PDE1C: variants seen among roughly 807,000 people sequenced by gnomAD.
PDE1C encodes dual specificity calcium/calmodulin-dependent 3',5'-cyclic nucleotide phosphodiesterase 1C.
PDE1C carries 62 observed loss-of-function variants against 93.1 expected under a neutral mutation model. The ratio of observed to expected loss-of-function variants is 0.67; its 90% confidence interval spans 0.54 to 0.82. The LOEUF (loss-of-function observed/expected upper bound fraction) is 0.82, where lower values mean the gene tolerates loss of function less well. Among genes scored for constraint, PDE1C ranks in the 40% least tolerant of loss-of-function variants. The pLI is 0.00. For missense variants in PDE1C, 742 were observed against 884.6 expected (o/e 0.84, Z 2.04); for synonymous variants, 325 against 310.1 (o/e 1.05, Z -0.50).
chr7:31,956,761 A>C (rs1235985317), intron 2 of PDE1C, among the ~76,000 whole-genome samples: 1 of 152,142 alleles, frequency 6.6e-6, no homozygotes, highest in African/African-American at 2.4e-5. Context: ...ACAAACTAAA[A>C]TTCCTAACTT....
At chr7:32,382,044 C>T (rs1209619772) in intron 1 of PDE1C, among the ~76,000 whole-genome samples, 1 of 152,156 alleles carries the variant, frequency 6.6e-6, no homozygotes, top group Non-Finnish European at 1.5e-5. Flanking sequence ...TTATCATTTC[C>T]ATTTCACAGA....
At chr7:32,170,090 C>T in intron 2 of PDE1C, 1 of 772,440 alleles carries the variant, frequency 1.3e-6, no homozygotes, top group East Asian at 2.5e-5. Context: ...GCCAACATTA[C>T]AGAGTTGTAA....
the PDE1C span, among the ~76,000 whole-genome samples, chr7:31,658,040 A>G: frequency 1.3e-5 from 2 of 152,204 alleles, no homozygotes; most frequent in African/African-American, 4.8e-5. Flanking sequence ...TTGAGAAACA[A>G]TACTTGGAAA....
At chr7:31,827,847 G>A (rs1562875450) in intron 12 of PDE1C, among the ~76,000 whole-genome samples, 1 of 152,130 alleles carries the variant, frequency 6.6e-6, no homozygotes, top group African/African-American at 2.4e-5. Context: ...AGGAAACAAG[G>A]AAGAAAACAT....
At chr7:32,218,739 A>T (rs1806616669) in intron 1 of PDE1C, among the ~76,000 whole-genome samples, 2 of 152,238 alleles carry the variant, frequency 1.3e-5, no homozygotes, top group Non-Finnish European at 2.9e-5. Context: ...ACAAAGTGAG[A>T]TGTTAATGAA....
chr7:32,307,092 T>C (rs1169867096), intron 1 of PDE1C, among the ~76,000 whole-genome samples: 3 of 152,192 alleles, frequency 2.0e-5, no homozygotes, highest in Non-Finnish European at 2.9e-5. Context: ...CAGCACTTAG[T>C]CATTTATTGT....
At chr7:32,051,334 G>C (rs1022094394) in intron 2 of PDE1C, among the ~76,000 whole-genome samples, 1 of 152,242 alleles carries the variant, frequency 6.6e-6, no homozygotes, top group East Asian at 1.9e-4. Context: ...GAGCCCACAG[G>C]ATCTACTCTC....
intron 2 of PDE1C, among the ~76,000 whole-genome samples, chr7:31,930,876 A>AAAAAAAAAAAT (rs1804129299): frequency 7.0e-6 from 1 of 142,474 alleles, no homozygotes; most frequent in Non-Finnish European, 1.5e-5. Context: ...AAAAAAAAAA[A>AAAAAAAAAAAT]GCTTATCCAC....
chr7:32,126,242 TA>T (rs1377929773), intron 3 of PDE1C, among the ~76,000 whole-genome samples: 34 of 149,816 alleles, frequency 2.3e-4, no homozygotes, highest in African/African-American at 7.9e-4. Flanking sequence ...GATAGATAGA[TA>T]GATTCATTTA....
chr7:32,381,025 T>A (rs1233503097), intron 1 of PDE1C, among the ~76,000 whole-genome samples: 1 of 151,784 alleles, frequency 6.6e-6, no homozygotes, highest in Non-Finnish European at 1.5e-5. Context: ...AGGCTGTTTC[T>A]CCCCCTCAGT....
At chr7:31,621,470 G>T in the PDE1C span, among the ~76,000 whole-genome samples, 4,390 of 133,544 alleles carry the variant, frequency 0.033, 253 homozygotes, top group African/African-American at 0.11. Flanking sequence ...TTAAAGAAAA[G>T]AATTTTCAAC....
At chr7:31,908,734 A>G (rs1800887448) in intron 2 of PDE1C, among the ~76,000 whole-genome samples, 1 of 152,178 alleles carries the variant, frequency 6.6e-6, no homozygotes, top group Non-Finnish European at 1.5e-5. Context: ...ACTCGACTCA[A>G]ACATTGCAGT....
At chr7:32,190,933 C>T (rs1804190425) in intron 2 of PDE1C, among the ~76,000 whole-genome samples, 1 of 151,938 alleles carries the variant, frequency 6.6e-6, no homozygotes. Flanking sequence ...TGGTGATCAG[C>T]AGAGGGAGAG....
intron 1 of PDE1C, among the ~76,000 whole-genome samples, chr7:32,065,214 T>C (rs1258204363): frequency 6.6e-6 from 1 of 152,198 alleles, no homozygotes; most frequent in Non-Finnish European, 1.5e-5. Flanking sequence ...ACACAAGCCA[T>C]ATCTCAGTTA....
intron 16 of PDE1C, chr7:31,808,207 G>A (rs565341898): frequency 6.1e-6 from 3 of 490,748 alleles, no homozygotes; most frequent in Non-Finnish European, 1.2e-5. Flanking sequence ...ATTCAAAGAA[G>A]AGTTTAGCAT....
chr7:32,318,781 A>C (rs1053206550), intron 1 of PDE1C, among the ~76,000 whole-genome samples: 2 of 152,190 alleles, frequency 1.3e-5, no homozygotes, highest in Non-Finnish European at 2.9e-5. Context: ...TACCTACAAA[A>C]AGAGCCACGG....
At chr7:31,892,827 G>T (rs1439726864) in intron 2 of PDE1C, among the ~76,000 whole-genome samples, 1 of 152,148 alleles carries the variant, frequency 6.6e-6, no homozygotes, top group East Asian at 1.9e-4. Flanking sequence ...GAAGGAATAA[G>T]TTCTGGTAAT....
At chr7:31,797,494 A>G (rs1785452475) in intron 16 of PDE1C, among the ~76,000 whole-genome samples, 1 of 151,816 alleles carries the variant, frequency 6.6e-6, no homozygotes, top group South Asian at 2.1e-4. Flanking sequence ...TATATTACAA[A>G]TGATTCATTA....
intron 2 of PDE1C, among the ~76,000 whole-genome samples, chr7:31,998,832 G>GAAAGCAAATCAACAGCATT (rs748597560): frequency 1.3e-5 from 2 of 152,166 alleles, no homozygotes; most frequent in Non-Finnish European, 2.9e-5. Context: ...CTCAAATGAT[G>GAAAGCAAATCAACAGCATT]AAAGCAAATC....
Sources: allele counts gnomAD v4.1 joint callset (sites outside exome capture counted in the v4.1 genomes callset), GRCh38; gene constraint gnomAD v4.1.1; transcripts MANE v1.5; gene names NCBI Gene and HGNC (gene_info 2026-07-23, HGNC 2026-07-21).